Variants in TBC1D22A observed in about 807,000 individuals in gnomAD.
The protein encoded by TBC1D22A is putative GTPase activator.
In TBC1D22A, 38 loss-of-function variants were observed where a neutral mutation model predicts 60.2. That is an observed-to-expected ratio of 0.63 (90% confidence interval 0.49 to 0.83). The LOEUF (loss-of-function observed/expected upper bound fraction) is 0.83. Ranked by LOEUF, TBC1D22A falls within the 40% of genes least tolerant of loss-of-function variation. The probability of loss-of-function intolerance (pLI) is 0.00; values close to 1 mark genes in which losing one functional copy is unlikely to be tolerated. For missense variants in TBC1D22A, 628 were observed against 701.0 expected (o/e 0.90, Z 1.18); for synonymous variants, 302 against 281.7 (o/e 1.07, Z -0.72).
intron 10 of TBC1D22A, among the ~76,000 whole-genome samples, chr22:47,003,389 C>CACCCTACACACACATGCCTGTACACACAT: frequency 6.6e-6 from 1 of 151,646 alleles, no homozygotes; most frequent in Non-Finnish European, 1.5e-5. Flanking sequence ...TACGCACACA[C>CACCCTACACACACATGCCTGTACACACAT]ACCCTACACA....
At chr22:46,788,233 G>A (rs2084250970) in intron 1 of TBC1D22A, among the ~76,000 whole-genome samples, 1 of 152,100 alleles carries the variant, frequency 6.6e-6, no homozygotes, top group Non-Finnish European at 1.5e-5. Flanking sequence ...ACCACGCCCG[G>A]CCAGGCAGGC....
intron 12 of TBC1D22A, among the ~76,000 whole-genome samples, chr22:47,117,794 T>C (rs780038470): frequency 6.6e-6 from 1 of 152,122 alleles, no homozygotes; most frequent in Non-Finnish European, 1.5e-5. Flanking sequence ...GAAGCAACCA[T>C]AGGAGGAAAG....
intron 11 of TBC1D22A, among the ~76,000 whole-genome samples, chr22:47,075,943 GT>G (rs1448586708): frequency 5.3e-5 from 8 of 152,148 alleles, no homozygotes; most frequent in Non-Finnish European, 7.3e-5. Flanking sequence ...ATGTATTAGT[GT>G]TAGGAGATCT....
At chr22:46,983,492 C>T (rs1018954625) in intron 9 of TBC1D22A, among the ~76,000 whole-genome samples, 6 of 152,176 alleles carry the variant, frequency 3.9e-5, no homozygotes, top group African/African-American at 1.2e-4. Context: ...ATTGGGCTTT[C>T]TGCCCATTTG....
intron 8 of TBC1D22A, among the ~76,000 whole-genome samples, chr22:46,973,606 T>G (rs1407564412): frequency 6.6e-6 from 1 of 152,254 alleles, no homozygotes; most frequent in Non-Finnish European, 1.5e-5. Context: ...TTAAAACATT[T>G]ATGAGTATTT....
intron 11 of TBC1D22A, among the ~76,000 whole-genome samples, chr22:47,104,644 G>A (rs1287615126): frequency 1.4e-5 from 2 of 148,120 alleles, no homozygotes; most frequent in African/African-American, 5.0e-5. Flanking sequence ...GCAGTGAACT[G>A]AGATCACACC....
chr22:47,024,985 G>A (rs760284897), intron 10 of TBC1D22A, among the ~76,000 whole-genome samples: 8 of 152,222 alleles, frequency 5.3e-5, no homozygotes, highest in Admixed American at 1.3e-4. Flanking sequence ...ATGGCAAACA[G>A]TAGATTTCAG....
intron 8 of TBC1D22A, chr22:46,916,125 G>A: frequency 7.0e-6 from 3 of 427,426 alleles, no homozygotes; most frequent in Middle Eastern, 8.4e-4. Context: ...ATAGGAGGTT[G>A]TCTCATTGCT....
intron 11 of TBC1D22A, among the ~76,000 whole-genome samples, chr22:47,065,660 A>AG (rs1334570831): frequency 5.9e-5 from 9 of 152,030 alleles, no homozygotes; most frequent in East Asian, 3.9e-4. Flanking sequence ...GGATTGAGGG[A>AG]GACCTGCGTG....
intron 10 of TBC1D22A, among the ~76,000 whole-genome samples, chr22:47,013,065 C>T (rs560241084): frequency 5.3e-5 from 8 of 152,326 alleles, no homozygotes; most frequent in East Asian, 1.9e-4. Context: ...CCGCCCCGTG[C>T]GCGAGTGGAG....
At chr22:47,129,695 C>T (rs1042720762) in intron 12 of TBC1D22A, among the ~76,000 whole-genome samples, 2 of 152,108 alleles carry the variant, frequency 1.3e-5, no homozygotes, top group Non-Finnish European at 2.9e-5. Flanking sequence ...GTATTAATGC[C>T]CCAAGCCTAC....
At chr22:46,875,501 C>T (rs115722548) in intron 4 of TBC1D22A, among the ~76,000 whole-genome samples, 1,817 of 151,950 alleles carry the variant, frequency 0.012, 44 homozygotes, top group African/African-American at 0.041. Flanking sequence ...ACCCAGACTG[C>T]GGTGCAGTAG....
At chr22:46,802,907 G>C (rs2084957869) in intron 4 of TBC1D22A, among the ~76,000 whole-genome samples, 1 of 152,008 alleles carries the variant, frequency 6.6e-6, no homozygotes, top group South Asian at 2.1e-4. Flanking sequence ...TGGGTAGACT[G>C]GCGAGAAGGC....
chr22:46,795,558 A>G (rs1400704123), intron 3 of TBC1D22A, among the ~76,000 whole-genome samples: 3 of 152,158 alleles, frequency 2.0e-5, no homozygotes, highest in Non-Finnish European at 4.4e-5. Flanking sequence ...CCATGACCTC[A>G]TTGCCTTGTG....
chr22:46,941,208 T>TACATACACACACACACAC lies in TBC1D22A; in HGVS notation c.1015+29023_1015+29024insTACACACACACACACACA, dbSNP rs1555959659. 4.7e-5 allele frequency among the ~76,000 whole-genome samples: 4 copies of TACATACACACACACACAC among 84,848 alleles called. No homozygotes were observed. The Admixed American group carries it at 5.6e-4, about 12-fold the overall frequency. The allele number at this position is 84,848 out of a possible 152,430, so 55.7% of individuals were successfully genotyped here. On this transcript the variant is annotated intron_variant, in intron 8 of 12. Coordinates refer to ENST00000337137, the MANE Select transcript of TBC1D22A (RefSeq NM_014346.5). Reference sequence around the variant, plus strand: ...GAATATATATATATGTATATATGTATACACACACACACACACACACACACA... The same window carrying TACATACACACACACACAC: ...GAATATATATATATGTATATATGTATACATACACACACACACACACACACACACACACACACACACACA...
chr22:46,978,960 A>G (rs964711673), intron 9 of TBC1D22A, among the ~76,000 whole-genome samples: 2 of 152,146 alleles, frequency 1.3e-5, no homozygotes, highest in African/African-American at 2.4e-5. Flanking sequence ...TTTTTCATTC[A>G]TACTATACTA....
intron 11 of TBC1D22A, among the ~76,000 whole-genome samples, chr22:47,054,106 G>A (rs761156415): frequency 5.3e-5 from 8 of 152,164 alleles, no homozygotes; most frequent in Non-Finnish European, 1.0e-4. Flanking sequence ...GCCAGTGCCC[G>A]AGCTCTGGGC....
intron 11 of TBC1D22A, among the ~76,000 whole-genome samples, chr22:47,050,840 G>A (rs1404997379): frequency 2.6e-5 from 4 of 152,194 alleles, no homozygotes; most frequent in African/African-American, 4.8e-5. Context: ...TGGTCTGTCT[G>A]CCATGCCCTG....
Position 46,847,948 on chromosome 22 carries a change from TGTGTGTGC to T in TBC1D22A, c.638-30703_638-30696del, listed in dbSNP as rs1446489925. On this transcript the variant is annotated intron_variant, in intron 4 of 12. Transcript: ENST00000337137. ...GTGTGTGTGTGTGTGTGTGTGTGTG[TGTGTGTGC>T]GCGCGCGCACGCGCTCTACACAGTA... 4.7e-3 allele frequency among the ~76,000 whole-genome samples: 561 copies of T among 119,814 alleles called. 1 individual carries two copies. Among genetic ancestry groups the T allele is most frequent in the African/African-American group, 0.018 (455 of 25,332 alleles). 78.6% of individuals were successfully genotyped at this position (119,814 alleles called of 152,430 possible).
Sources: allele counts gnomAD v4.1 joint callset (sites outside exome capture counted in the v4.1 genomes callset), GRCh38; gene constraint gnomAD v4.1.1; transcripts MANE v1.5; gene names NCBI Gene and HGNC (gene_info 2026-07-23, HGNC 2026-07-21).